RAB6B: variants seen among roughly 807,000 people sequenced by gnomAD.
The protein encoded by RAB6B is ras-related protein Rab-6B.
RAB6B carries 7 observed loss-of-function variants against 31.2 expected under a neutral mutation model. The ratio of observed to expected loss-of-function variants is 0.22; its 90% confidence interval spans 0.13 to 0.42. The LOEUF (loss-of-function observed/expected upper bound fraction) is 0.42. Ranked by LOEUF, RAB6B falls within the 10% of genes least tolerant of loss-of-function variation. The pLI is 1.00. For missense variants in RAB6B, 149 were observed against 280.6 expected (o/e 0.53, Z 3.35); for synonymous variants, 105 against 104.9 (o/e 1.00, Z -0.01).
rs1380077717 is a variant in RAB6B at position 133,827,909 on chromosome 3, T to C, written c.*879A>G. The C allele has an allele frequency of 8.5e-6, 6 of 702,824 alleles. No individual in the cohort carries two copies. The highest frequency in any genetic ancestry group is 1.6e-5 in the Non-Finnish European group (6 of 384,978). The allele number at this position is 702,824 out of a possible 1,614,324, so 43.5% of individuals were successfully genotyped here. On this transcript the variant is annotated 3_prime_UTR_variant, in exon 8 of 8. Coordinates refer to ENST00000285208, the MANE Select transcript of RAB6B (RefSeq NM_016577.4). ...GTGTACTGACTGCTGGGTGGGCTGG[T>C]TAAAATATTTTCAGAAGTACACATG...
chr3:133,831,094 C>A (rs2715609), intron 7 of RAB6B, among the ~76,000 whole-genome samples: 122,937 of 152,176 alleles, frequency 0.81, 50,611 homozygotes, highest in African/African-American at 0.95. Context: ...ACCACTAAAA[C>A]AATCTCATGC....
At chr3:133,892,627 A>G (rs1485782100) in intron 1 of RAB6B, among the ~76,000 whole-genome samples, 1 of 152,126 alleles carries the variant, frequency 6.6e-6, no homozygotes, top group Non-Finnish European at 1.5e-5. Context: ...ACATCCCTCC[A>G]GCTCCTTCCC....
chr3:133,845,183 T>C (rs1935890826), intron 2 of RAB6B, among the ~76,000 whole-genome samples: 1 of 152,228 alleles, frequency 6.6e-6, no homozygotes, highest in African/African-American at 2.4e-5. Context: ...AAAATAAATC[T>C]ATCGCTGTGG....
At chr3:133,839,673 TG>T in intron 4 of RAB6B, 56 bp from the exon 5 acceptor site, 1 of 1,328,552 alleles carries the variant, frequency 7.5e-7, no homozygotes, top group African/African-American at 1.4e-5. Context: ...CAGTGGGAGA[TG>T]GGAAGGGGAG....
intron 2 of RAB6B, among the ~76,000 whole-genome samples, chr3:133,845,207 C>T (rs1350537652): frequency 6.6e-6 from 1 of 152,188 alleles, no homozygotes; most frequent in African/African-American, 2.4e-5. Flanking sequence ...GAATGTGTCC[C>T]CTGTAACCTC....
chr3:133,869,353 A>C (rs1435542093), intron 1 of RAB6B, among the ~76,000 whole-genome samples: 2 of 152,132 alleles, frequency 1.3e-5, no homozygotes, highest in East Asian at 3.9e-4. Context: ...ATTTAAGCCA[A>C]ACCCATCTCT....
chr3:133,863,534 C>T (rs575956748), intron 2 of RAB6B, among the ~76,000 whole-genome samples: 93 of 152,330 alleles, frequency 6.1e-4, no homozygotes, highest in African/African-American at 2.0e-3. Context: ...TGATCAAATA[C>T]ATCTGAGAGA....
intron 2 of RAB6B, among the ~76,000 whole-genome samples, chr3:133,856,309 C>T (rs1277225212): frequency 6.6e-6 from 1 of 151,954 alleles, no homozygotes; most frequent in Non-Finnish European, 1.5e-5. Context: ...GGTTGGCACA[C>T]TGAGTGGTGG....
At chr3:133,874,608 A>G (rs1441215993) in intron 1 of RAB6B, among the ~76,000 whole-genome samples, 1 of 152,260 alleles carries the variant, frequency 6.6e-6, no homozygotes, top group African/African-American at 2.4e-5. Context: ...AGGCTACACT[A>G]AATCTATTTA....
chr3:133,878,043 A>T (rs1379713948), intron 1 of RAB6B, among the ~76,000 whole-genome samples: 2 of 152,102 alleles, frequency 1.3e-5, no homozygotes, highest in Non-Finnish European at 2.9e-5. Context: ...TAAGAACACC[A>T]GTAAGCTCTA....
At chr3:133,830,638 A>G (rs1935642611) in intron 7 of RAB6B, among the ~76,000 whole-genome samples, 1 of 151,968 alleles carries the variant, frequency 6.6e-6, no homozygotes, top group African/African-American at 2.4e-5. Context: ...GCTGAGAGCT[A>G]CCTCACTTCC....
intron 2 of RAB6B, among the ~76,000 whole-genome samples, chr3:133,861,885 G>T (rs1936166086): frequency 6.6e-6 from 1 of 152,128 alleles, no homozygotes; most frequent in South Asian, 2.1e-4. Context: ...GGGAGTGATT[G>T]CTGTGCAGGG....
At chr3:133,881,312 C>G (rs1274471669) in intron 1 of RAB6B, among the ~76,000 whole-genome samples, 1 of 152,194 alleles carries the variant, frequency 6.6e-6, no homozygotes. Flanking sequence ...AGAGGGACCA[C>G]TTGCCCAGGA....
At chr3:133,855,260 G>A (rs1415945576) in intron 2 of RAB6B, among the ~76,000 whole-genome samples, 1 of 152,270 alleles carries the variant, frequency 6.6e-6, no homozygotes. Context: ...AATAGGCTGG[G>A]CATATCCTTG....
intron 1 of RAB6B, among the ~76,000 whole-genome samples, chr3:133,867,277 C>A (rs1936251332): frequency 6.6e-6 from 1 of 152,164 alleles, no homozygotes; most frequent in African/African-American, 2.4e-5. Flanking sequence ...CCATAATAGG[C>A]AACACATGAC....
intron 1 of RAB6B, among the ~76,000 whole-genome samples, chr3:133,888,342 C>T (rs773810338): frequency 1.2e-4 from 19 of 152,228 alleles, no homozygotes; most frequent in South Asian, 2.1e-4. Context: ...GTGGAGCCTC[C>T]GGCATAGTGG....
intron 6 of RAB6B, among the ~76,000 whole-genome samples, chr3:133,836,787 G>A (rs2692673): frequency 0.011 from 1,706 of 152,288 alleles, 35 homozygotes; most frequent in African/African-American, 0.039. Flanking sequence ...GAACAGATGG[G>A]AGTGAGTGAA....
intron 2 of RAB6B, among the ~76,000 whole-genome samples, chr3:133,856,933 C>A (rs1176478287): frequency 6.6e-6 from 1 of 152,146 alleles, no homozygotes; most frequent in East Asian, 1.9e-4. Flanking sequence ...AAAAATGAAA[C>A]TCTACTCTAT....
chr3:133,829,218 A>G (rs972705086), intron 7 of RAB6B, among the ~76,000 whole-genome samples: 2 of 152,180 alleles, frequency 1.3e-5, no homozygotes, highest in African/African-American at 4.8e-5. Flanking sequence ...TCAAAGTGCA[A>G]TGGAGATGAA....
Sources: allele counts gnomAD v4.1 joint callset (sites outside exome capture counted in the v4.1 genomes callset), GRCh38; gene constraint gnomAD v4.1.1; transcripts MANE v1.5; gene names NCBI Gene and HGNC (gene_info 2026-07-23, HGNC 2026-07-21).